XPO1: variants seen among roughly 807,000 people sequenced by gnomAD.
The protein encoded by XPO1 is exportin-1.
A neutral mutation model predicts 133.3 loss-of-function variants in XPO1; 5 were observed. The observed-to-expected ratio is 0.04, with a 90% CI of 0.02 to 0.08. XPO1 has a LOEUF of 0.08. Ranked by LOEUF, XPO1 falls within the 10% of genes least tolerant of loss-of-function variation. XPO1 has a pLI of 1.00. For synonymous variants in XPO1, 419 were observed against 408.2 expected (o/e 1.03, Z -0.32); for missense variants, 506 against 1,267.5 (o/e 0.40, Z 9.12).
At chr2:61,506,159 G>A (rs1385144099) in intron 4 of XPO1, among the ~76,000 whole-genome samples, 5 of 152,096 alleles carry the variant, frequency 3.3e-5, no homozygotes, top group Non-Finnish European at 5.9e-5. Flanking sequence ...GATGGCTCAC[G>A]CCTGTAATCC....
At chr2:61,522,475 G>C in intron 4 of XPO1, 136 bp downstream of exon 4, 2 of 717,108 alleles carry the variant, frequency 2.8e-6, no homozygotes, top group Middle Eastern at 2.9e-4. Context: ...AGACCTGTTT[G>C]CTTCATGATA....
intron 16 of XPO1, 57 bp from the exon 17 acceptor site, chr2:61,490,833 C>T: frequency 1.3e-6 from 2 of 1,575,296 alleles, no homozygotes; most frequent in African/African-American, 1.4e-5. Flanking sequence ...TAAGGAAAAC[C>T]ACACACAAGC....
At chr2:61,515,040 G>A (rs1442284901) in intron 4 of XPO1, among the ~76,000 whole-genome samples, 3 of 146,456 alleles carry the variant, frequency 2.0e-5, no homozygotes, top group African/African-American at 7.6e-5. Context: ...CTGCACTCCA[G>A]CCTGGGCGAC....
intron 2 of XPO1, among the ~76,000 whole-genome samples, chr2:61,530,279 T>G (rs1481659881): frequency 6.6e-6 from 1 of 152,198 alleles, no homozygotes; most frequent in East Asian, 1.9e-4. Context: ...TTCCTGTTAG[T>G]TGTAATTTTA....
At chr2:61,488,466 G>T in intron 18 of XPO1, 122 bp downstream of exon 18, 1 of 1,180,194 alleles carries the variant, frequency 8.5e-7, no homozygotes, top group Non-Finnish European at 1.2e-6. Context: ...ATATGTCTAG[G>T]GTCATTTGGG....
intron 17 of XPO1, among the ~76,000 whole-genome samples, chr2:61,489,829 C>T (rs1317489627): frequency 6.6e-6 from 1 of 152,026 alleles, no homozygotes; most frequent in South Asian, 2.1e-4. Context: ...GCTGGGATTA[C>T]AGGCATGAGC....
chr2:61,496,047 T>C (rs1697225084), intron 10 of XPO1, among the ~76,000 whole-genome samples: 1 of 152,156 alleles, frequency 6.6e-6, no homozygotes, highest in African/African-American at 2.4e-5. Context: ...CTAGGTCCAG[T>C]ATACCTATTC....
chr2:61,488,111 C>A (rs927929958), intron 19 of XPO1, 54 bp downstream of exon 19: 2 of 1,476,674 alleles, frequency 1.4e-6, no homozygotes, highest in Non-Finnish European at 1.9e-6. Flanking sequence ...ATAGCATATT[C>A]CATAAAACAC....
rs1696168049 is a variant in XPO1, at chr2:61,478,464, A to G, written c.*356T>C. 3.7e-6 allele frequency: 1 copy of G among 270,574 alleles called. No homozygotes were observed. Among genetic ancestry groups the G allele is most frequent in the Non-Finnish European group, 7.0e-6 (1 of 142,934 alleles). The allele number at this position is 270,574 out of a possible 1,614,324, so 16.8% of individuals were successfully genotyped here. On this transcript the variant is annotated 3_prime_UTR_variant, in exon 25 of 25. Coordinates refer to ENST00000401558, the MANE Select transcript of XPO1 (RefSeq NM_003400.4). The stretch of plus-strand genomic sequence containing the variant: ...GAAGGAAAATGCTCCCTAATTAAAA[A>G]TTGGTATTGTTTACAGGAAAAATTG...
chr2:61,492,557 C>G lies in XPO1; in HGVS notation c.1566+10G>C. 1 of 1,605,726 alleles carries G rather than the reference C, an allele frequency of 6.2e-7. No homozygotes were observed. Among genetic ancestry groups the G allele is most frequent in the Non-Finnish European group, 8.5e-7 (1 of 1,177,414 alleles). On this transcript the variant is annotated intron_variant, in intron 14 of 24. Coordinates refer to ENST00000401558, the MANE Select transcript of XPO1 (RefSeq NM_003400.4). This position sits in a 1 kb window ranked among gnomAD's most constrained non-coding sequence, Gnocchi z 5.6. ...TTAGCAATTCTAATTCATACCTATC[C>G]CTTGCATACCTTTATAACAGTAACA...
At position 61,492,103 on chromosome 2, in the gene XPO1, C is replaced by G; in HGVS notation, c.1819G>C (p.Val607Leu). 1 of 1,614,202 alleles carries G rather than the reference C, an allele frequency of 6.2e-7. No individual in the cohort carries two copies. Reference protein sequence around the residue: ...RHFVQVQVGEVMPFIDEILNN... With the variant: ...RHFVQVQVGELMPFIDEILNN... ...AAAATTTCATCAATAAATGGCATCACTTCTCCAACCTGAACCTGAACGAAA... is the reference window on the plus strand; with the variant it reads ...AAAATTTCATCAATAAATGGCATCAGTTCTCCAACCTGAACCTGAACGAAA... Residue 607 changes from valine to leucine, a missense_variant, in exon 16 of 25, where the codon GTG (valine) becomes CTG (leucine). Val to Leu is a conservative substitution (Grantham distance 32). Transcript: ENST00000401558. This position sits in a 1 kb window ranked among gnomAD's most constrained non-coding sequence, Gnocchi z 5.6.
intron 4 of XPO1, among the ~76,000 whole-genome samples, chr2:61,504,121 C>T (rs1697680991): frequency 6.6e-6 from 1 of 152,170 alleles, no homozygotes; most frequent in Non-Finnish European, 1.5e-5. Context: ...AGAAATACAA[C>T]ATTAACTTCA....
At chr2:61,495,427 T>G (rs1428322543) in intron 11 of XPO1, 28 bp downstream of exon 11, 1 of 1,490,788 alleles carries the variant, frequency 6.7e-7, no homozygotes, top group South Asian at 1.4e-5. Context: ...GAGCAGAATT[T>G]TAGGAGCAAA....
At chr2:61,525,630 A>C in intron 3 of XPO1, 2 of 1,021,912 alleles carry the variant, frequency 2.0e-6, no homozygotes, top group Non-Finnish European at 2.3e-6. Flanking sequence ...AGGCAAGCAA[A>C]CAGGCAAACA....
intron 21 of XPO1, 96 bp downstream of exon 21, chr2:61,483,841 A>G: frequency 7.1e-7 from 1 of 1,411,088 alleles, no homozygotes; most frequent in South Asian, 1.3e-5. Flanking sequence ...TCACACACTC[A>G]AAACTCTGAA....
At chr2:61,505,862 C>T (rs1448768675) in intron 4 of XPO1, among the ~76,000 whole-genome samples, 1 of 152,128 alleles carries the variant, frequency 6.6e-6, no homozygotes, top group African/African-American at 2.4e-5. Flanking sequence ...CTGATTCTGA[C>T]TCTTATACTG....
chr2:61,516,929 G>GT (rs777851676), intron 4 of XPO1, among the ~76,000 whole-genome samples: 1 of 151,688 alleles, frequency 6.6e-6, no homozygotes, highest in Non-Finnish European at 1.5e-5. Flanking sequence ...TAATTTCAGA[G>GT]TTTCACTCTT....
intron 2 of XPO1, among the ~76,000 whole-genome samples, chr2:61,528,776 T>TAG (rs1699029383): frequency 8.4e-6 from 1 of 119,188 alleles, no homozygotes; most frequent in African/African-American, 3.3e-5. Context: ...TATATATATA[T>TAG]ATATAGTTTT....
chr2:61,516,018 C>T (rs1458374810), intron 4 of XPO1, among the ~76,000 whole-genome samples: 2 of 150,790 alleles, frequency 1.3e-5, no homozygotes, highest in Non-Finnish European at 2.9e-5. Context: ...CCCAGCTACT[C>T]AGGAGGCTGA....
Sources: gnomAD v4.1 joint callset for allele counts (sites outside exome capture counted in the v4.1 genomes callset) on GRCh38, gnomAD v4.1.1 for gene constraint, Gnocchi (gnomAD v3.1) non-coding constraint, MANE v1.5 for transcripts, NCBI Gene and HGNC (gene_info 2026-07-23, HGNC 2026-07-21) for gene names.